ARHGAP6: variants seen among roughly 807,000 people sequenced by gnomAD.
ARHGAP6 encodes the protein Rho GTPase activating protein 6, also known as rho GTPase-activating protein 6.
In ARHGAP6, 16 loss-of-function variants were observed where a neutral mutation model predicts 55.7. That is an observed-to-expected ratio of 0.29 (90% CI 0.19 to 0.44). ARHGAP6 has a LOEUF of 0.44. Among genes scored for constraint, ARHGAP6 ranks in the 20% least tolerant of loss-of-function variants. The pLI is 1.00. For synonymous variants in ARHGAP6, 382 were observed against 360.9 expected (o/e 1.06, Z -0.66); for missense variants, 698 against 808.9 (o/e 0.86, Z 1.66).
At chrX:11,202,129 C>G (rs1040335309) in intron 2 of ARHGAP6, among the ~76,000 whole-genome samples, 2 of 108,637 alleles carry the variant, frequency 1.8e-5, no homozygotes, top group African/African-American at 6.7e-5. Context: ...GGTCAGTTAG[C>G]AGAGAAGTTG....
chrX:11,198,623 T>A (rs2046576674), intron 2 of ARHGAP6, among the ~76,000 whole-genome samples: 1 of 112,533 alleles, frequency 8.9e-6, no homozygotes, highest in Non-Finnish European at 1.9e-5. Context: ...CTTAAAAGAT[T>A]TGATTTTTCA....
At chrX:11,365,250 C>T (rs930886853) in intron 1 of ARHGAP6, among the ~76,000 whole-genome samples, 4 of 112,140 alleles carry the variant, frequency 3.6e-5, no homozygotes, top group African/African-American at 1.3e-4. Flanking sequence ...AAGGACCCAA[C>T]ATCCTGACAT....
rs551510410 is a variant in ARHGAP6 at position 11,464,206 on chromosome X, C to T, written c.588+200035G>A. 9.0e-5 allele frequency among the ~76,000 whole-genome samples: 10 copies of T among 111,595 alleles called. No individual in the cohort carries two copies. In the South Asian group the frequency reaches 3.4e-3, roughly 38 times the overall value. Reference sequence around the variant, plus strand: ...ATATAAACCACAGTGGAACTTTCTCCAAAAAAGGAATATTTACAAAGCTAT... The same window carrying T: ...ATATAAACCACAGTGGAACTTTCTCTAAAAAAGGAATATTTACAAAGCTAT... On this transcript the variant is annotated intron_variant, in intron 1 of 12. Coordinates refer to ENST00000337414, the MANE Select transcript of ARHGAP6 (RefSeq NM_013427.3).
At chrX:11,312,276 A>G (rs986793671) in intron 1 of ARHGAP6, among the ~76,000 whole-genome samples, 10 of 111,939 alleles carry the variant, frequency 8.9e-5, no homozygotes, top group Non-Finnish European at 1.5e-4. Flanking sequence ...TTTATTTTAC[A>G]CTATGGAGAA....
intron 1 of ARHGAP6, among the ~76,000 whole-genome samples, chrX:11,492,654 G>A (rs1303545003): frequency 2.7e-5 from 3 of 111,491 alleles, no homozygotes; most frequent in Non-Finnish European, 5.7e-5. Flanking sequence ...ATACTAACAT[G>A]GACAATGTTG....
intron 1 of ARHGAP6, among the ~76,000 whole-genome samples, chrX:11,411,792 CTTATTAACTCA>C (rs1405164139): frequency 2.7e-5 from 3 of 111,576 alleles, no homozygotes; most frequent in African/African-American, 9.8e-5. Flanking sequence ...TTTTGATTCT[CTTATTAACTCA>C]TACTCTAAAA....
intron 1 of ARHGAP6, among the ~76,000 whole-genome samples, chrX:11,635,271 T>C: frequency 8.9e-6 from 1 of 112,068 alleles, no homozygotes; most frequent in Non-Finnish European, 1.9e-5. Flanking sequence ...CACTGTATAG[T>C]ATATAAATAA....
At chrX:11,576,307 T>C (rs2051597628) in intron 1 of ARHGAP6, among the ~76,000 whole-genome samples, 1 of 112,183 alleles carries the variant, frequency 8.9e-6, no homozygotes, top group African/African-American at 3.2e-5. Context: ...TTATACACCA[T>C]TGTGTATGGC....
At chrX:11,409,572 C>A (rs2049655293) in intron 1 of ARHGAP6, among the ~76,000 whole-genome samples, 2 of 111,956 alleles carry the variant, frequency 1.8e-5, no homozygotes, top group Admixed American at 9.5e-5. Flanking sequence ...GTGGAGGGAG[C>A]CTTTTGTGTA....
intron 1 of ARHGAP6, chrX:11,334,200 A>T (rs2048599817): frequency 7.4e-6 from 1 of 135,760 alleles, no homozygotes; most frequent in African/African-American, 3.1e-5. Flanking sequence ...AAGACAGAAA[A>T]GTTGTACCTG....
intron 1 of ARHGAP6, among the ~76,000 whole-genome samples, chrX:11,378,930 G>C (rs1002127692): frequency 8.9e-6 from 1 of 112,239 alleles, no homozygotes; most frequent in Non-Finnish European, 1.9e-5. Flanking sequence ...TTCTCTTCAC[G>C]GTTTTATCAA....
At chrX:11,642,327 T>C (rs994794736) in intron 1 of ARHGAP6, among the ~76,000 whole-genome samples, 4 of 111,549 alleles carry the variant, frequency 3.6e-5, no homozygotes, top group Non-Finnish European at 7.6e-5. Context: ...TCACTGTGTT[T>C]AGGCCAAAAA....
At chrX:11,435,547 T>C (rs908108908) in intron 1 of ARHGAP6, among the ~76,000 whole-genome samples, 1 of 112,074 alleles carries the variant, frequency 8.9e-6, no homozygotes, top group Non-Finnish European at 1.9e-5. Context: ...CAGAGCCTAC[T>C]TGCACAATTC....
chrX:11,507,358 G>A (rs1001400149), intron 1 of ARHGAP6, among the ~76,000 whole-genome samples: 10 of 111,459 alleles, frequency 9.0e-5, no homozygotes, highest in Non-Finnish European at 1.3e-4. Flanking sequence ...CTGAGGGTGT[G>A]CTTGAATAAG....
intron 1 of ARHGAP6, among the ~76,000 whole-genome samples, chrX:11,547,929 G>A (rs1448633817): frequency 1.8e-5 from 2 of 111,523 alleles, no homozygotes; most frequent in East Asian, 5.6e-4. Flanking sequence ...CTGATTTGAA[G>A]GTTAGAGCAA....
chrX:11,570,937 A>T (rs751934977), intron 1 of ARHGAP6, among the ~76,000 whole-genome samples: 21 of 110,922 alleles, frequency 1.9e-4, no homozygotes, highest in African/African-American at 6.9e-4. Flanking sequence ...GCCTTGTAAA[A>T]GGGCCAGAGG....
intron 1 of ARHGAP6, among the ~76,000 whole-genome samples, chrX:11,463,717 A>C (rs1276304696): frequency 1.8e-5 from 2 of 112,225 alleles, no homozygotes. Context: ...AACTTTGAAA[A>C]TGTGATTCCA....
chrX:11,587,043 C>A (rs2051742929), intron 1 of ARHGAP6, among the ~76,000 whole-genome samples: 1 of 111,635 alleles, frequency 9.0e-6, no homozygotes, highest in Admixed American at 9.5e-5. Context: ...ACTTTGCTGA[C>A]ATTGTTTATC....
intron 1 of ARHGAP6, among the ~76,000 whole-genome samples, chrX:11,399,354 C>CA (rs56197001): frequency 0.3 from 10,638 of 35,216 alleles, 1,203 homozygotes; most frequent in Admixed American, 0.37. Context: ...AATAAGCAAT[C>CA]AAAAAAAAAA....
Sources: gnomAD v4.1 joint callset for allele counts (sites outside exome capture counted in the v4.1 genomes callset) on GRCh38, gnomAD v4.1.1 for gene constraint, MANE v1.5 for transcripts, NCBI Gene and HGNC (gene_info 2026-07-23, HGNC 2026-07-21) for gene names.